Variants in ATP7A observed in about 807,000 individuals in gnomAD.
The protein encoded by ATP7A is copper-transporting ATPase 1.
Under a neutral mutation model 83.5 loss-of-function variants are expected in ATP7A, and 7 were observed. That is an observed-to-expected ratio of 0.08 (90% CI 0.05 to 0.16). The LOEUF is 0.16. Among genes scored for constraint, ATP7A ranks in the 10% least tolerant of loss-of-function variants. The pLI, the probability that ATP7A is intolerant of heterozygous loss-of-function variation, is 1.00. For missense variants in ATP7A, 940 were observed against 1,120.8 expected (o/e 0.84, Z 2.30); for synonymous variants, 354 against 395.2 (o/e 0.90, Z 1.24).
At chrX:78,011,424 T>C in intron 8 of ATP7A, 25 bp from the exon 9 acceptor site, 2 of 1,182,019 alleles carry the variant, frequency 1.7e-6, no homozygotes, top group Non-Finnish European at 2.3e-6. Flanking sequence ...CCATGATTTT[T>C]CTTTTTTTAT....
In ATP7A at chrX:77,998,151, T is replaced by G. The variant is rs571388888; in HGVS notation, c.1337-327T>G. Among the ~76,000 whole-genome samples, 15 of 111,984 alleles carry G rather than the reference T, an allele frequency of 1.3e-4. 1 individual carries two copies. The South Asian group carries it at 5.6e-3, about 42-fold the overall frequency. On this transcript the variant is annotated intron_variant, in intron 4 of 22. Coordinates refer to ENST00000341514, the MANE Select transcript of ATP7A (RefSeq NM_000052.7). The stretch of plus-strand genomic sequence containing the variant: ...GCCAGTATGCCAATCATCAACATGA[T>G]GGTAAAATTTCATTATAAAAATAAG...
At chrX:77,963,592 A>T (rs2077486170) in intron 1 of ATP7A, 1 of 111,127 alleles carries the variant, frequency 9.0e-6, no homozygotes, top group African/African-American at 3.3e-5. Context: ...TCCTCAAATG[A>T]TTATTTTAAA....
At chrX:77,964,976 C>T (rs1557228512) in intron 1 of ATP7A, 1 of 114,094 alleles carries the variant, frequency 8.8e-6, no homozygotes. Flanking sequence ...AGTTCTAGAT[C>T]CTTGAGGAAT....
At chrX:77,940,926 A>G (rs1557225570) in intron 1 of ATP7A, among the ~76,000 whole-genome samples, 1 of 112,319 alleles carries the variant, frequency 8.9e-6, no homozygotes, top group Non-Finnish European at 1.9e-5. Flanking sequence ...CTATACTGCT[A>G]GTGTAAGTGT....
intron 6 of ATP7A, among the ~76,000 whole-genome samples, chrX:78,004,577 G>A (rs193010668): frequency 2.5e-3 from 271 of 108,461 alleles, no homozygotes; most frequent in African/African-American, 8.8e-3. Context: ...GTGAAACCCC[G>A]CCTCTACAAA....
At chrX:78,017,749 G>A (rs1240832538) in intron 12 of ATP7A, among the ~76,000 whole-genome samples, 2 of 97,331 alleles carry the variant, frequency 2.1e-5, no homozygotes, top group Non-Finnish European at 4.1e-5. Flanking sequence ...AATGCCATCC[G>A]TCTCTTTTCT....
At chrX:78,002,723 A>C (rs1380700919) in intron 5 of ATP7A, among the ~76,000 whole-genome samples, 1 of 108,471 alleles carries the variant, frequency 9.2e-6, no homozygotes, top group East Asian at 2.9e-4. Context: ...TGGAGGGTGT[A>C]GGAATGTATA....
intron 1 of ATP7A, among the ~76,000 whole-genome samples, chrX:77,959,710 A>AT (rs1172944116): frequency 8.9e-6 from 1 of 111,882 alleles, no homozygotes; most frequent in Non-Finnish European, 1.9e-5. Flanking sequence ...ACCACAACCA[A>AT]TTTTTTCATT....
intron 14 of ATP7A, among the ~76,000 whole-genome samples, chrX:78,027,048 A>G (rs112309382): frequency 0.25 from 27,114 of 107,951 alleles, 2,718 homozygotes; most frequent in South Asian, 0.35. Context: ...TACTTGCGAG[A>G]CTGAGGGAAG....
At chrX:77,931,400 C>G (rs1370382848) in intron 1 of ATP7A, among the ~76,000 whole-genome samples, 3 of 111,789 alleles carry the variant, frequency 2.7e-5, no homozygotes, top group African/African-American at 9.7e-5. Flanking sequence ...TGAAAAGTCT[C>G]CCATGTCTAC....
rs2149114100 is a variant in ATP7A, at chrX:78,046,487, C to G, written c.4420C>G (p.Leu1474Val). 2 of 1,211,201 alleles carry G rather than the reference C, an allele frequency of 1.7e-6. No homozygotes were observed. The highest frequency in any genetic ancestry group is 2.2e-6 in the Non-Finnish European group (2 of 895,185). The part of the protein sequence containing the change: ...INSLLSDKRS[L>V]NSVVTSEPDK... ...CTCACTACTGTCTGATAAACGCTCC[C>G]TAAACAGTGTTGTTACCAGTGAACC... is the stretch of plus-strand genomic sequence containing the variant. The change falls in exon 23 of 23, where the codon CTA becomes GTA. Residue 1474 changes from leucine (L) to valine (V), a missense_variant. By Grantham distance (32) the Leu-to-Val change is conservative. Coordinates refer to ENST00000341514, the MANE Select transcript of ATP7A (RefSeq NM_000052.7).
At chrX:78,032,427 G>T (rs1159132574) in intron 16 of ATP7A, among the ~76,000 whole-genome samples, 1 of 111,698 alleles carries the variant, frequency 9.0e-6, no homozygotes, top group Non-Finnish European at 1.9e-5. Flanking sequence ...TACATGAGGG[G>T]TTATACCAAT....
intron 2 of ATP7A, among the ~76,000 whole-genome samples, chrX:77,981,106 C>G (rs1169142011): frequency 8.9e-6 from 1 of 111,897 alleles, no homozygotes; most frequent in Non-Finnish European, 1.9e-5. Flanking sequence ...TATTGTTCCA[C>G]ATCAATATAC....
At chrX:77,990,092 G>A (rs1603381628) in intron 4 of ATP7A, 134 bp downstream of exon 4, 23 of 818,212 alleles carry the variant, frequency 2.8e-5, no homozygotes, top group Non-Finnish European at 4.0e-5. Context: ...TATGGAGGTA[G>A]CCAGCAGTAT....
intron 15 of ATP7A, among the ~76,000 whole-genome samples, chrX:78,030,455 A>G (rs1008194589): frequency 2.7e-5 from 3 of 110,543 alleles, no homozygotes; most frequent in Non-Finnish European, 5.7e-5. Context: ...GACTAGTACA[A>G]AGAACTCCTA....
At chrX:78,005,567 C>T (rs1189512435) in intron 6 of ATP7A, among the ~76,000 whole-genome samples, 14 of 106,139 alleles carry the variant, frequency 1.3e-4, no homozygotes, top group African/African-American at 4.8e-4. Flanking sequence ...CCTGTAATCC[C>T]AGATACTCGG....
At chrX:77,939,309 A>G (rs1450396740) in intron 1 of ATP7A, among the ~76,000 whole-genome samples, 1 of 110,732 alleles carries the variant, frequency 9.0e-6, no homozygotes, top group Non-Finnish European at 1.9e-5. Flanking sequence ...AAAAAAAAAA[A>G]GTACATATAT....
At chrX:77,926,927 T>G (rs2077244695) in intron 1 of ATP7A, among the ~76,000 whole-genome samples, 1 of 111,193 alleles carries the variant, frequency 9.0e-6, no homozygotes, top group South Asian at 3.8e-4. Context: ...GATCTTGAAC[T>G]CTTGACCTCA....
Position 78,013,127 on chromosome X carries a change from G to C in ATP7A, c.2406+15G>C, listed in dbSNP as rs782547388. The C allele has an allele frequency of 6.0e-5, 70 of 1,176,105 alleles. No individual in the cohort carries two copies. Among genetic ancestry groups the C allele is most frequent in the Non-Finnish European group, 8.0e-5 (69 of 864,680 alleles). ...ATATAGCAAAGGTAAAGTAAGAAAG[G>C]GTGACATTTGTTAAAATGTTGGGTG... On this transcript the variant is annotated intron_variant, in intron 10 of 22. Transcript: ENST00000341514.
Sources: gnomAD v4.1 joint callset for allele counts (sites outside exome capture counted in the v4.1 genomes callset) on GRCh38, gnomAD v4.1.1 for gene constraint, MANE v1.5 for transcripts, NCBI Gene and HGNC (gene_info 2026-07-23, HGNC 2026-07-21) for gene names.